TGM7: variants seen among roughly 807,000 people sequenced by gnomAD.
The protein encoded by TGM7 is transglutaminase 7.
TGM7 carries 74 observed loss-of-function variants against 79.5 expected under a neutral mutation model. The ratio of observed to expected loss-of-function variants is 0.93; its 90% CI spans 0.77 to 1.13. The LOEUF is 1.13. TGM7 is among the 50% of genes most tolerant of loss of function. The pLI is 0.00. For synonymous variants in TGM7, 354 were observed against 362.5 expected, an observed-to-expected ratio of 0.98 and a Z score of 0.27; for missense variants, 912 against 905.9, an observed-to-expected ratio of 1.01 and a Z score of -0.09.
chr15:43,281,880 G>A lies in TGM7; in HGVS notation c.1315C>T (p.Arg439Cys), dbSNP rs200806029. The change falls in exon 9 of 13, where the codon CGC becomes TGC. Residue 439 changes from arginine (R) to cysteine (C), a missense_variant. By Grantham distance (180) the Arg-to-Cys change is radical (BLOSUM62 -3). Transcript: ENST00000452443. ...TTGTAGGAGCTGGTGATGCTCTGGC[G>A]CTGGTCTGACCCCACCATCTTAGTG... is the stretch of plus-strand genomic sequence containing the variant. The part of the protein sequence containing the change: ...ISTKMVGSDQ[R>C]QSITSSYKYP... 73 of 1,614,196 alleles carry A rather than the reference G, an allele frequency of 4.5e-5. No homozygotes were observed. Among genetic ancestry groups the A allele is most frequent in the South Asian group, 1.4e-4 (13 of 91,084 alleles).
intron 10 of TGM7, 95 bp downstream of exon 10, chr15:43,279,530 G>T: frequency 1.4e-6 from 2 of 1,411,722 alleles, no homozygotes; most frequent in Non-Finnish European, 9.6e-7. Context: ...GGAGGAAGGG[G>T]TCTGTGTGTA....
At chr15:43,281,621 A>T (rs1409021161) in intron 9 of TGM7, among the ~76,000 whole-genome samples, 2 of 152,238 alleles carry the variant, frequency 1.3e-5, no homozygotes, top group African/African-American at 4.8e-5. Context: ...ATATTTGTTT[A>T]TCTGGATCTA....
rs1566843280 is a variant in TGM7 at position 43,282,001 on chromosome 15, G to A, written c.1194C>T (p.Ala398=). Residue 398 remains alanine, a synonymous_variant, in exon 9 of 13, where the codon GCC becomes GCT. Coordinates refer to ENST00000452443, the MANE Select transcript of TGM7 (RefSeq NM_052955.3). The part of the protein sequence containing the change: ...HLAYDTPFVY[A]EVNADEVIWL... ...AAATGACTTCATCGGCGTTCACCTC[G>A]GCATACACAAAAGGGGTGTCATAGG... The A allele has an allele frequency of 5.6e-6, 9 of 1,613,988 alleles. No individual in the cohort carries two copies. The highest frequency in any genetic ancestry group is 5.1e-6 in the Non-Finnish European group (6 of 1,180,032).
intron 1 of TGM7, among the ~76,000 whole-genome samples, chr15:43,294,562 A>T (rs1365691226): frequency 6.6e-6 from 1 of 152,234 alleles, no homozygotes; most frequent in Admixed American, 6.5e-5. Flanking sequence ...TAAGGAGTCA[A>T]TATTAGTTAC....
At chr15:43,288,494 A>T (rs1444087187) in intron 4 of TGM7, among the ~76,000 whole-genome samples, 1 of 151,674 alleles carries the variant, frequency 6.6e-6, no homozygotes, top group African/African-American at 2.4e-5. Flanking sequence ...AAGAATTACT[A>T]TTCTTTTTTT....
chr15:43,284,802 A>G lies in TGM7; in HGVS notation c.1004+12T>C. The G allele has an allele frequency of 2.5e-6, 4 of 1,614,196 alleles. No homozygotes were observed. Among genetic ancestry groups the G allele is most frequent in the Non-Finnish European group, 3.4e-6 (4 of 1,180,032 alleles). Reference sequence around the variant, plus strand: ...GACAAAGCAGAGATCTGTTCAAGACAGTGCCTCTCACCATATTTTGTCTCG... The same window carrying G: ...GACAAAGCAGAGATCTGTTCAAGACGGTGCCTCTCACCATATTTTGTCTCG... On this transcript the variant is annotated intron_variant, in intron 7 of 12. Transcript: ENST00000452443.
chr15:43,301,068 AC>A (rs924438506), intron 1 of TGM7, among the ~76,000 whole-genome samples: 2 of 151,152 alleles, frequency 1.3e-5, no homozygotes, highest in African/African-American at 2.4e-5. Context: ...TGCAGCTTTG[AC>A]CCCCCCAGGC....
rs773800005 is a variant in TGM7, at chr15:43,282,466, C to G, written c.1108+51G>C. 3 of 1,498,650 alleles carry G rather than the reference C, an allele frequency of 2.0e-6. No homozygotes were observed. In the Admixed American group the frequency reaches 5.9e-5, roughly 29 times the overall value. The allele number at this position is 1,498,650 out of a possible 1,614,324, so 92.8% of individuals were successfully genotyped here. The stretch of plus-strand genomic sequence containing the variant: ...TCTCCTGCTCCCACGGCCAGTCACC[C>G]TAATCTGCCTCCCCACAGAGCCAGA... On this transcript the variant is annotated intron_variant, in intron 8 of 12. Coordinates refer to ENST00000452443, the MANE Select transcript of TGM7 (RefSeq NM_052955.3).
chr15:43,290,306 A>T (rs1486962132), intron 4 of TGM7, among the ~76,000 whole-genome samples: 1 of 152,180 alleles, frequency 6.6e-6, no homozygotes, highest in Admixed American at 6.5e-5. Flanking sequence ...TCCCAGCACC[A>T]TTTATTAAAT....
chr15:43,299,861 A>G (rs750483152), intron 1 of TGM7, among the ~76,000 whole-genome samples: 2 of 152,232 alleles, frequency 1.3e-5, no homozygotes, highest in East Asian at 1.9e-4. Context: ...ATAGGAGATT[A>G]CTGCCGTGTT....
At chr15:43,298,062 G>T (rs972412460) in intron 1 of TGM7, among the ~76,000 whole-genome samples, 1 of 152,176 alleles carries the variant, frequency 6.6e-6, no homozygotes, top group Non-Finnish European at 1.5e-5. Flanking sequence ...AAGAATTTAT[G>T]TTCTCACCAA....
chr15:43,277,664 C>T (rs1476037479), intron 11 of TGM7, among the ~76,000 whole-genome samples: 1 of 152,186 alleles, frequency 6.6e-6, no homozygotes, highest in Non-Finnish European at 1.5e-5. Flanking sequence ...GGCAGGCATC[C>T]TTCCTACTCA....
At position 43,292,910 on chromosome 15, in the gene TGM7, G is replaced by A. The variant is rs773061028; in HGVS notation, c.238C>T (p.Leu80Phe). 6.8e-6 allele frequency: 11 copies of A among 1,613,840 alleles called. No individual in the cohort carries two copies. The South Asian group carries it at 9.9e-5, about 14-fold the overall frequency. ...ELLGTRATFF[L>F]TRVQPGNVWS... ...ACATTCCCGGGCTGGACCCGGGTGAGGAAGAATGTGGCTCGGGTCCCCAGC... is the reference window on the plus strand; with the variant it reads ...ACATTCCCGGGCTGGACCCGGGTGAAGAAGAATGTGGCTCGGGTCCCCAGC... Residue 80 changes from leucine (L) to phenylalanine (F), a missense_variant, in exon 3 of 13, where the codon CTC becomes TTC. By Grantham distance (22) the Leu-to-Phe change is conservative (BLOSUM62 0). Transcript: ENST00000452443.
intron 7 of TGM7, among the ~76,000 whole-genome samples, chr15:43,283,936 G>A (rs551583827): frequency 2.6e-5 from 4 of 152,324 alleles, no homozygotes; most frequent in Admixed American, 1.3e-4. Context: ...GGCTGGGTGC[G>A]GTGGCTCAGG....
Position 43,293,315 on chromosome 15 carries a change from T to C in TGM7, c.193+134A>G, listed in dbSNP as rs2042973122. ...AACAGCACTAACAGGGTCCTGAGCA[T>C]GAGGGGTCTGGGGCTCCCAGGACAA... On this transcript the variant is annotated intron_variant, in intron 2 of 12. Transcript: ENST00000452443. 1.0e-5 allele frequency: 12 copies of C among 1,173,274 alleles called. No individual in the cohort carries two copies. The South Asian group carries it at 1.8e-4, about 18-fold the overall frequency. The allele number at this position is 1,173,274 out of a possible 1,614,324, so 72.7% of individuals were successfully genotyped here. A position where few individuals can be genotyped will look rare whatever the true frequency, so the allele number is the denominator to read the frequency against.
Position 43,276,394 on chromosome 15 carries a change from C to T in TGM7, c.*61G>A. On this transcript the variant is annotated 3_prime_UTR_variant, in exon 13 of 13. Transcript: ENST00000452443. ...AGAGGTGGAGCCAAGACGACATAGCCAGGAGTAGAAAGGAGCCAGGTGGGG... is the reference window on the plus strand; with the variant it reads ...AGAGGTGGAGCCAAGACGACATAGCTAGGAGTAGAAAGGAGCCAGGTGGGG... The T allele has an allele frequency of 6.4e-7, 1 of 1,559,894 alleles. No homozygotes were observed. The highest frequency in any genetic ancestry group is 8.7e-7 in the Non-Finnish European group (1 of 1,153,476).
Position 43,284,869 on chromosome 15 carries a change from T to C in TGM7, c.949A>G (p.Thr317Ala). 4.3e-6 allele frequency: 7 copies of C among 1,614,182 alleles called. No homozygotes were observed. The highest frequency in any genetic ancestry group is 5.9e-6 in the Non-Finnish European group (7 of 1,180,034). ...HNVDRNLTIDTYYDRNAEMLS... is the reference protein window; with the variant it reads ...HNVDRNLTIDAYYDRNAEMLS... ...ATCTCGGCATTTCGGTCATAGTACG[T>C]ATCGATGGTCAAGTTCCTATCCACG... is the stretch of plus-strand genomic sequence containing the variant. Residue 317 changes from threonine (T) to alanine (A), a missense_variant, in exon 7 of 13, where the codon ACG becomes GCG. Coordinates refer to ENST00000452443, the MANE Select transcript of TGM7 (RefSeq NM_052955.3).
chr15:43,294,151 A>G (rs1276077549), intron 1 of TGM7, among the ~76,000 whole-genome samples: 1 of 152,202 alleles, frequency 6.6e-6, no homozygotes, highest in Non-Finnish European at 1.5e-5. Flanking sequence ...AGGATTTTGT[A>G]TGAATTAAGT....
rs778916940 is a variant in TGM7, at chr15:43,281,974, C to A, written c.1221G>T (p.Trp407Cys). 1 of 1,614,208 alleles carries A rather than the reference C, an allele frequency of 6.2e-7. No individual in the cohort carries two copies. The highest frequency in any genetic ancestry group is 8.5e-7 in the Non-Finnish European group (1 of 1,180,050). ...YAEVNADEVIWLLGDGQAQEI... is the reference protein window; with the variant it reads ...YAEVNADEVICLLGDGQAQEI... ...CCTGGGCCTGGCCATCCCCAAGGAGCCAAATGACTTCATCGGCGTTCACCT... is the reference window on the plus strand; with the variant it reads ...CCTGGGCCTGGCCATCCCCAAGGAGACAAATGACTTCATCGGCGTTCACCT... Residue 407 changes from tryptophan to cysteine, a missense_variant, in exon 9 of 13, where the codon TGG (tryptophan) becomes TGT (cysteine). Physicochemically the swap from Trp to Cys is radical, Grantham distance 215. Coordinates refer to ENST00000452443, the MANE Select transcript of TGM7 (RefSeq NM_052955.3).
Sources: gnomAD v4.1 joint callset for allele counts (sites outside exome capture counted in the v4.1 genomes callset) on GRCh38, gnomAD v4.1.1 for gene constraint, MANE v1.5 for transcripts, NCBI Gene and HGNC (gene_info 2026-07-23, HGNC 2026-07-21) for gene names.